Variants in STK32C observed in about 807,000 individuals in gnomAD.
STK32C encodes serine/threonine kinase 32C.
A neutral mutation model predicts 56.5 loss-of-function variants in STK32C; 31 were observed. The observed-to-expected ratio is 0.55, with a 90% CI of 0.41 to 0.74. The LOEUF is 0.74. Ranked by LOEUF, STK32C falls within the 30% of genes least tolerant of loss-of-function variation. STK32C has a pLI of 0.00. For synonymous variants in STK32C, 309 were observed against 289.4 expected (o/e 1.07, Z -0.69); for missense variants, 544 against 676.9 (o/e 0.80, Z 2.18).
chr10:132,208,091 A>G lies in STK32C; in HGVS notation c.1380T>C (p.Ala460=). Reference sequence around the variant, plus strand: ...CCGCCTCGTCCTCCACAGGCTCCGCAGCATCCCTGGACTCAGGGGCGGGGA... The same window carrying G: ...CCGCCTCGTCCTCCACAGGCTCCGCGGCATCCCTGGACTCAGGGGCGGGGA... The part of the protein sequence containing the change: ...EPLPAPESRD[A]AEPVEDEAER... The change falls in exon 12 of 12, where the codon GCT becomes GCC. Residue 460 remains alanine (A), a synonymous_variant. Transcript: ENST00000298630. 3 of 1,311,436 alleles carry G rather than the reference A, an allele frequency of 2.3e-6. No homozygotes were observed. The highest frequency in any genetic ancestry group is 2.9e-6 in the Non-Finnish European group (3 of 1,021,602). 81.2% of individuals were successfully genotyped at this position (1,311,436 alleles called of 1,614,324 possible).
Position 132,284,421 on chromosome 10 carries a change from GGGGGCA to G in STK32C, c.262+23145_262+23150del, listed in dbSNP as rs1564777061. ...AGGTTGCAGGGGCAGGTGAGGTTGG[GGGGGCA>G]GGTGAGGTTGGGAGGGCAGGTGAGG... On this transcript the variant is annotated intron_variant, in intron 1 of 11. Coordinates refer to ENST00000298630, the MANE Select transcript of STK32C (RefSeq NM_173575.4). 4.2e-5 allele frequency among the ~76,000 whole-genome samples: 5 copies of G among 117,672 alleles called. 2 individuals are homozygous for G. Among genetic ancestry groups the G allele is most frequent in the African/African-American group, 1.6e-4 (5 of 30,528 alleles). The allele number at this position is 117,672 out of a possible 152,430, so 77.2% of individuals were successfully genotyped here.
chr10:132,252,584 A>C (rs2063947482), intron 1 of STK32C, among the ~76,000 whole-genome samples: 1 of 152,222 alleles, frequency 6.6e-6, no homozygotes, highest in Non-Finnish European at 1.5e-5. Context: ...CCCAGGAACC[A>C]GGACACATCT....
chr10:132,236,268 C>T (rs1158817883), intron 2 of STK32C, among the ~76,000 whole-genome samples: 1 of 152,260 alleles, frequency 6.6e-6, no homozygotes, highest in East Asian at 1.9e-4. Flanking sequence ...GGGACCTGGG[C>T]TCTGGGCCCA....
chr10:132,248,703 C>G (rs1393192374), intron 1 of STK32C, among the ~76,000 whole-genome samples: 1 of 152,210 alleles, frequency 6.6e-6, no homozygotes, highest in African/African-American at 2.4e-5. Flanking sequence ...GCCCCTGACC[C>G]TGGCACTTGG....
At chr10:132,283,806 T>A (rs1322266684) in intron 1 of STK32C, among the ~76,000 whole-genome samples, 1 of 152,166 alleles carries the variant, frequency 6.6e-6, no homozygotes, top group Non-Finnish European at 1.5e-5. Flanking sequence ...TCCGCCCCCA[T>A]GGCTGGCTGT....
chr10:132,245,971 GA>G lies in STK32C; in HGVS notation c.263-17del. On this transcript the variant is annotated splice_polypyrimidine_tract_variant and intron_variant, in intron 1 of 11. Transcript: ENST00000298630. ...TCGAAGTTCACTGCAGGATAAAACA[GA>G]GGGACACCTGGTGAGGTGGCAGCAA... is the stretch of plus-strand genomic sequence containing the variant. 13 of 1,613,334 alleles carry G rather than the reference GA, an allele frequency of 8.1e-6. No individual in the cohort carries two copies. The highest frequency in any genetic ancestry group is 1.1e-5 in the Non-Finnish European group (13 of 1,179,916).
intron 2 of STK32C, among the ~76,000 whole-genome samples, chr10:132,231,077 T>C (rs955431522): frequency 6.6e-6 from 1 of 152,220 alleles, no homozygotes; most frequent in Non-Finnish European, 1.5e-5. Flanking sequence ...TTCCCAAGCA[T>C]GTGGCCTGGG....
intron 10 of STK32C, among the ~76,000 whole-genome samples, chr10:132,209,687 G>A (rs931784528): frequency 1.3e-5 from 2 of 152,122 alleles, no homozygotes; most frequent in Non-Finnish European, 2.9e-5. Flanking sequence ...GCGTGGGTGG[G>A]GTGGAGGGGG....
chr10:132,241,993 C>T (rs1397551918), intron 2 of STK32C, among the ~76,000 whole-genome samples: 1 of 152,050 alleles, frequency 6.6e-6, no homozygotes, highest in African/African-American at 2.4e-5. Flanking sequence ...GCCTGTAGTC[C>T]CAGCTACTCA....
chr10:132,273,907 T>C (rs1476032570), intron 1 of STK32C, among the ~76,000 whole-genome samples: 1 of 152,178 alleles, frequency 6.6e-6, no homozygotes, highest in African/African-American at 2.4e-5. Flanking sequence ...CCACTATGCG[T>C]GTGCTGACCC....
At chr10:132,280,921 C>G (rs2065178247) in intron 1 of STK32C, among the ~76,000 whole-genome samples, 1 of 150,880 alleles carries the variant, frequency 6.6e-6, no homozygotes, top group Admixed American at 6.6e-5. Context: ...TGACCATGCC[C>G]CTGCACTCCA....
intron 2 of STK32C, among the ~76,000 whole-genome samples, chr10:132,244,322 C>T (rs909937517): frequency 3.9e-5 from 6 of 152,342 alleles, no homozygotes; most frequent in Admixed American, 2.6e-4. Flanking sequence ...ATTTCTGGGC[C>T]AGCTGGCGTT....
At chr10:132,253,526 GGAGGGAGCTGGAGGGAGTC>G (rs1456060027) in intron 1 of STK32C, among the ~76,000 whole-genome samples, 1,701 of 123,188 alleles carry the variant, frequency 0.014, 85 homozygotes, top group African/African-American at 0.056. Context: ...TGAGGGAGCC[GGAGGGAGCTGGAGGGAGTC>G]GAGGGAGCTG....
intron 2 of STK32C, among the ~76,000 whole-genome samples, chr10:132,243,153 TCA>T (rs1466691180): frequency 6.6e-6 from 1 of 152,170 alleles, no homozygotes; most frequent in East Asian, 1.9e-4. Flanking sequence ...ACCCACCAGC[TCA>T]CAGGAGGATG....
At chr10:132,246,933 A>C (rs1240725986) in intron 1 of STK32C, among the ~76,000 whole-genome samples, 1 of 152,134 alleles carries the variant, frequency 6.6e-6, no homozygotes, top group Non-Finnish European at 1.5e-5. Flanking sequence ...GTATCCATGA[A>C]GGGCCAGCAC....
At chr10:132,226,527 C>T (rs752014805) in intron 4 of STK32C, among the ~76,000 whole-genome samples, 3 of 152,206 alleles carry the variant, frequency 2.0e-5, no homozygotes, top group Non-Finnish European at 4.4e-5. Flanking sequence ...GCCTGGTGGT[C>T]TGTCCACCAG....
At position 132,224,437 on chromosome 10, in the gene STK32C, C is replaced by T; in HGVS notation, c.963G>A (p.Trp321Ter). ...GCAGCAAGGCCACCATCTCCTTGGACCACGTGGGGACATACTGGACGCTCA... is the reference window on the plus strand; with the variant it reads ...GCAGCAAGGCCACCATCTCCTTGGATCACGTGGGGACATACTGGACGCTCA... Reference protein sequence around the residue: ...STVSVQYVPTWSKEMVALLRK... With the variant: ...STVSVQYVPT Residue 321 changes from tryptophan to a stop codon, truncating the protein, a stop_gained, in exon 8 of 12, where the codon TGG (tryptophan) becomes TGA (stop). Transcript: ENST00000298630. LOFTEE classifies it high-confidence loss of function. 6.4e-7 allele frequency: 1 copy of T among 1,557,250 alleles called. No homozygotes were observed.
intron 1 of STK32C, among the ~76,000 whole-genome samples, chr10:132,270,321 A>G (rs35404606): frequency 0.44 from 66,446 of 152,248 alleles, 15,644 homozygotes; most frequent in African/African-American, 0.6. Context: ...GCTCACAGCC[A>G]TCCTTGCAGG....
intron 2 of STK32C, among the ~76,000 whole-genome samples, chr10:132,232,480 C>T (rs559753714): frequency 6.6e-6 from 1 of 152,184 alleles, no homozygotes. Flanking sequence ...TCACGCAGAG[C>T]AGTGTTTACA....
Sources: allele counts gnomAD v4.1 joint callset (sites outside exome capture counted in the v4.1 genomes callset), GRCh38; gene constraint gnomAD v4.1.1; transcripts MANE v1.5; gene names NCBI Gene and HGNC (gene_info 2026-07-23, HGNC 2026-07-21).